The following NID1 variants were observed in gnomAD, a reference collection of about 807,000 sequenced individuals.
NID1 encodes nidogen 1.
NID1 carries 76 observed loss-of-function variants against 130.6 expected under a neutral mutation model. The ratio of observed to expected loss-of-function variants is 0.58; its 90% CI spans 0.48 to 0.70. The LOEUF (loss-of-function observed/expected upper bound fraction) is 0.70, where lower values mean the gene tolerates loss of function less well. Ranked by LOEUF, NID1 falls within the 30% of genes least tolerant of loss-of-function variation. The pLI, the probability that NID1 is intolerant of heterozygous loss-of-function variation, is 0.00. For synonymous variants in NID1, 665 were observed against 675.1 expected, an observed-to-expected ratio of 0.98 and a Z score of 0.23; for missense variants, 1,517 against 1,664.8, an observed-to-expected ratio of 0.91 and a Z score of 1.54.
intron 10 of NID1, among the ~76,000 whole-genome samples, chr1:236,016,857 G>A (rs1383445755): frequency 6.6e-6 from 1 of 152,084 alleles, no homozygotes; most frequent in Admixed American, 6.6e-5. Context: ...GTTATTAAAA[G>A]CATAATGAAA....
At position 236,002,503 on chromosome 1, in the gene NID1, A is replaced by AAAACAAAC. The variant is rs71174487; in HGVS notation, c.2528-8639_2528-8632dup. 6.5e-3 allele frequency among the ~76,000 whole-genome samples: 983 copies of AAAACAAAC among 150,696 alleles called. 7 individuals are homozygous for AAAACAAAC. Among genetic ancestry groups the AAAACAAAC allele is most frequent in the Non-Finnish European group, 8.3e-3 (558 of 67,618 alleles). On this transcript the variant is annotated intron_variant, in intron 12 of 19. Transcript: ENST00000264187. ...GAGCAACAGAGCGAGACTCTGTCTA[A>AAAACAAAC]AAACAAACAAACAAACAAACAAACA... is the stretch of plus-strand genomic sequence containing the variant.
At chr1:236,017,933 CT>C (rs1477696649) in intron 9 of NID1, among the ~76,000 whole-genome samples, 1 of 152,152 alleles carries the variant, frequency 6.6e-6, no homozygotes, top group East Asian at 1.9e-4. Context: ...ATTAAATATA[CT>C]TTCAAATCCT....
In NID1 at chr1:235,979,117, A is replaced by G. The variant is rs778979516; in HGVS notation, c.3510-10T>C. 1.9e-6 allele frequency: 3 copies of G among 1,565,484 alleles called. No individual in the cohort carries two copies. Among genetic ancestry groups the G allele is most frequent in the Non-Finnish European group, 2.6e-6 (3 of 1,135,762 alleles). On this transcript the variant is annotated splice_polypyrimidine_tract_variant and intron_variant, in intron 18 of 19. Coordinates refer to ENST00000264187, the MANE Select transcript of NID1 (RefSeq NM_002508.3). The surrounding 1 kb of genome is among the most constrained non-coding windows in gnomAD (Gnocchi z 4.6). ...AGCAACCACGGAATTCCTACAAAGC[A>G]CCAAAGGGCAGAAGGTGAAAACACA...
intron 4 of NID1, among the ~76,000 whole-genome samples, chr1:236,040,753 T>C (rs1434988184): frequency 1.3e-5 from 2 of 151,078 alleles, no homozygotes; most frequent in Non-Finnish European, 2.9e-5. Context: ...AACCTCCACC[T>C]CTCAGGTTCG....
At position 235,983,837 on chromosome 1, in the gene NID1, T is replaced by C. The variant is rs58254182; in HGVS notation, c.3055+1542A>G. Among the ~76,000 whole-genome samples the C allele has an allele frequency of 3.4e-3, 521 of 152,266 alleles. 5 individuals carry two copies. The highest frequency in any genetic ancestry group is 0.012 in the African/African-American group (487 of 41,552). Reference sequence around the variant, plus strand: ...TTTTAGAGATACTTGGTTGGGTCTGTAACTCAAGGAAAGAAAGAAAGCCTG... The same window carrying C: ...TTTTAGAGATACTTGGTTGGGTCTGCAACTCAAGGAAAGAAAGAAAGCCTG... On this transcript the variant is annotated intron_variant, in intron 15 of 19. Coordinates refer to ENST00000264187, the MANE Select transcript of NID1 (RefSeq NM_002508.3).
chr1:236,042,449 C>T (rs996177594), intron 3 of NID1, among the ~76,000 whole-genome samples, 157 bp from the exon 4 acceptor site: 10 of 152,222 alleles, frequency 6.6e-5, no homozygotes, highest in East Asian at 1.9e-4. Context: ...CATGTCTGGG[C>T]GTCATGTGGC....
At chr1:235,983,398 AT>A (rs917695585) in intron 15 of NID1, among the ~76,000 whole-genome samples, 1 of 152,228 alleles carries the variant, frequency 6.6e-6, no homozygotes, top group Non-Finnish European at 1.5e-5. Flanking sequence ...ATATTAAAAT[AT>A]TTCCCATGTC....
At chr1:236,060,210 G>A (rs1022947617) in intron 1 of NID1, among the ~76,000 whole-genome samples, 1 of 152,066 alleles carries the variant, frequency 6.6e-6, no homozygotes, top group African/African-American at 2.4e-5. Context: ...ACAAGGGGTG[G>A]ATTATTCATG....
In NID1 at chr1:235,979,995, C is replaced by A; in HGVS notation, c.3386-50G>T. ...TCATTGTTCACACAAGAAATGGCCC[C>A]TTTGTGCAAAAAAAACAAGAGTAAT... On this transcript the variant is annotated intron_variant, in intron 17 of 19. Transcript: ENST00000264187. This position sits in a 1 kb window ranked among gnomAD's most constrained non-coding sequence, Gnocchi z 4.6. 1 of 1,589,888 alleles carries A rather than the reference C, an allele frequency of 6.3e-7. No individual in the cohort carries two copies. Among genetic ancestry groups the A allele is most frequent in the South Asian group, 1.1e-5 (1 of 89,490 alleles).
Position 235,976,306 on chromosome 1 carries a change from C to CT in NID1, c.*1560dup, listed in dbSNP as rs1204225240. 1 of 152,184 alleles carries CT rather than the reference C, an allele frequency of 6.6e-6. No homozygotes were observed. Among genetic ancestry groups the CT allele is most frequent in the African/African-American group, 2.4e-5 (1 of 41,452 alleles). The allele number at this position is 152,184 out of a possible 1,614,324, so 9.4% of individuals were successfully genotyped here. On this transcript the variant is annotated 3_prime_UTR_variant, in exon 20 of 20. Coordinates refer to ENST00000264187, the MANE Select transcript of NID1 (RefSeq NM_002508.3). ...GGGTTTGAGGAAAAGAGGAGAGACT[C>CT]TTTTCCCCAAAGAGAGTATCAGGCA...
intron 5 of NID1, among the ~76,000 whole-genome samples, chr1:236,034,827 A>G (rs1016259956): frequency 1.3e-5 from 2 of 152,014 alleles, no homozygotes; most frequent in Non-Finnish European, 2.9e-5. Context: ...AAGAGGGAAA[A>G]CAAAGGTTAC....
At chr1:236,063,558 T>A (rs1290639899) in intron 1 of NID1, among the ~76,000 whole-genome samples, 1 of 152,176 alleles carries the variant, frequency 6.6e-6, no homozygotes, top group Admixed American at 6.5e-5. Flanking sequence ...TGTGTTTTTT[T>A]AATATTTTGA....
chr1:235,980,583 G>A lies in NID1; in HGVS notation c.3298C>T (p.Arg1100Trp), dbSNP rs746516796. The A allele has an allele frequency of 4.3e-6, 7 of 1,614,058 alleles. No individual in the cohort carries two copies. The highest frequency in any genetic ancestry group is 2.2e-5 in the South Asian group (2 of 91,092). ...AGGTCATCCTGCACAAGGATCCTCCGGTTCGTGCCGTCCATGTAGGAAGTT... is the reference window on the plus strand; with the variant it reads ...AGGTCATCCTGCACAAGGATCCTCCAGTTCGTGCCGTCCATGTAGGAAGTT... ...IETSYMDGTN[R>W]RILVQDDLGL... is the part of the protein sequence containing the mutation. Residue 1100 changes from arginine (R) to tryptophan (W), a missense_variant, in exon 17 of 20, where the codon CGG (arginine) becomes TGG (tryptophan). This residue lies in a region of NID1 where 181 missense variants were observed against 211.3 expected (regional missense o/e 0.86). Coordinates refer to ENST00000264187, the MANE Select transcript of NID1 (RefSeq NM_002508.3).
intron 14 of NID1, among the ~76,000 whole-genome samples, chr1:235,989,387 G>C (rs555957519): frequency 1.1e-4 from 16 of 152,184 alleles, no homozygotes; most frequent in Non-Finnish European, 1.8e-4. Context: ...GCATGTGCTG[G>C]AGATGGAAAT....
chr1:236,048,375 C>T (rs1353640899), intron 2 of NID1, among the ~76,000 whole-genome samples: 6 of 147,222 alleles, frequency 4.1e-5, no homozygotes, highest in African/African-American at 1.5e-4. Context: ...ATAAATTATC[C>T]TTCCACTATC....
chr1:235,978,591 T>C (rs187652546), intron 19 of NID1, among the ~76,000 whole-genome samples: 10 of 152,336 alleles, frequency 6.6e-5, no homozygotes, highest in Non-Finnish European at 8.8e-5. Flanking sequence ...TCTAAGTGAG[T>C]TGATATATGT....
At chr1:236,007,387 G>T (rs1357283940) in intron 12 of NID1, among the ~76,000 whole-genome samples, 2 of 152,148 alleles carry the variant, frequency 1.3e-5, no homozygotes, top group Non-Finnish European at 2.9e-5. Flanking sequence ...CAAGGTCAGG[G>T]TCAGTGGCTA....
chr1:236,025,481 C>G (rs548128085), intron 8 of NID1, among the ~76,000 whole-genome samples: 158 of 152,120 alleles, frequency 1.0e-3, no homozygotes, highest in African/African-American at 3.7e-3. Context: ...AGGCTGGTCT[C>G]AAACTCCTGA....
intron 12 of NID1, among the ~76,000 whole-genome samples, chr1:235,996,031 G>C (rs568048489): frequency 6.6e-6 from 1 of 152,298 alleles, no homozygotes; most frequent in African/African-American, 2.4e-5. Context: ...GCATGCACCT[G>C]TGGTCACAGC....
Sources: gnomAD v4.1 joint callset for allele counts (sites outside exome capture counted in the v4.1 genomes callset) on GRCh38, gnomAD v4.1.1 for gene constraint, gnomAD v4.1.1 regional missense constraint, Gnocchi (gnomAD v3.1) non-coding constraint, MANE v1.5 for transcripts, NCBI Gene and HGNC (gene_info 2026-07-23, HGNC 2026-07-21) for gene names.